WWOX: variants seen among roughly 807,000 people sequenced by gnomAD.
WWOX encodes WW domain containing oxidoreductase.
Under a neutral mutation model 46.2 loss-of-function variants are expected in WWOX, and 69 were observed. The observed-to-expected ratio is 1.49, with a 90% CI of 1.23 to 1.82. The LOEUF (loss-of-function observed/expected upper bound fraction) is 1.82, where lower values mean the gene tolerates loss of function less well. Ranked by LOEUF, WWOX falls within the 40% of genes most tolerant of loss-of-function variation. The pLI, the probability that WWOX is intolerant of heterozygous loss-of-function variation, is 0.00. For missense variants in WWOX, 919 were observed against 542.6 expected (o/e 1.69, Z -6.89); for synonymous variants, 359 against 202.6 (o/e 1.77, Z -6.56).
Position 78,961,428 on chromosome 16 carries a change from A to G in WWOX, c.1057-250180A>G, listed in dbSNP as rs555761581. Among the ~76,000 whole-genome samples, 10 of 152,172 alleles carry G rather than the reference A, an allele frequency of 6.6e-5. No homozygotes were observed. The South Asian group carries it at 1.2e-3, about 19-fold the overall frequency. On this transcript the variant is annotated intron_variant, in intron 8 of 8. Transcript: ENST00000566780. ...GATAACACTCAGCAGATATATAGCT[A>G]TGGGATACATGGATGGATGGATGGA... is the stretch of plus-strand genomic sequence containing the variant.
intron 5 of WWOX, among the ~76,000 whole-genome samples, chr16:78,367,428 C>G (rs1047090042): frequency 6.6e-6 from 1 of 151,394 alleles, no homozygotes; most frequent in African/African-American, 2.4e-5. Context: ...TTTTTCAACT[C>G]ATCAGCTATC....
chr16:78,946,252 G>A (rs1358441016), intron 8 of WWOX, among the ~76,000 whole-genome samples: 1 of 152,092 alleles, frequency 6.6e-6, no homozygotes, highest in African/African-American at 2.4e-5. Flanking sequence ...GTACAGCAGT[G>A]CAATCTCGGC....
At chr16:79,057,495 T>TTG (rs1567520100) in intron 8 of WWOX, among the ~76,000 whole-genome samples, 1 of 151,870 alleles carries the variant, frequency 6.6e-6, no homozygotes, top group Non-Finnish European at 1.5e-5. Flanking sequence ...CATTATTATT[T>TTG]CTGTTATATT....
At chr16:79,003,839 T>C (rs112474451) in intron 8 of WWOX, among the ~76,000 whole-genome samples, 2 of 150,504 alleles carry the variant, frequency 1.3e-5, no homozygotes, top group Admixed American at 6.6e-5. Context: ...GTCACCACTG[T>C]ATAGTCCTGA....
At chr16:78,112,720 C>G (rs1183202693) in intron 3 of WWOX, among the ~76,000 whole-genome samples, 1 of 109,428 alleles carries the variant, frequency 9.1e-6, no homozygotes, top group Non-Finnish European at 1.8e-5. Context: ...TTTTTTTATA[C>G]TGGGTCTTGC....
intron 8 of WWOX, among the ~76,000 whole-genome samples, chr16:79,139,764 C>T (rs1164533489): frequency 2.0e-5 from 3 of 152,068 alleles, no homozygotes; most frequent in East Asian, 1.9e-4. Context: ...AGGGGCAGTC[C>T]AATAAAAGAG....
chr16:79,097,240 T>C (rs1462505605), intron 8 of WWOX, among the ~76,000 whole-genome samples: 3 of 152,142 alleles, frequency 2.0e-5, no homozygotes, highest in African/African-American at 7.2e-5. Context: ...CATAATGACG[T>C]CTTTGATTCC....
At chr16:78,138,672 C>T (rs1415751816) in intron 4 of WWOX, among the ~76,000 whole-genome samples, 3 of 152,198 alleles carry the variant, frequency 2.0e-5, no homozygotes, top group East Asian at 3.9e-4. Context: ...GGGGACAGCC[C>T]ACCCTGAGAA....
At chr16:78,975,317 T>A (rs568555978) in intron 8 of WWOX, among the ~76,000 whole-genome samples, 1 of 152,278 alleles carries the variant, frequency 6.6e-6, no homozygotes, top group East Asian at 1.9e-4. Flanking sequence ...AATAGTGTGC[T>A]CCTGATTTCT....
chr16:79,198,190 T>G (rs2051277984), intron 8 of WWOX, among the ~76,000 whole-genome samples: 1 of 150,166 alleles, frequency 6.7e-6, no homozygotes, highest in Non-Finnish European at 1.5e-5. Flanking sequence ...CCACAAAAAT[T>G]AGCTGGGCAT....
At chr16:78,831,201 G>A (rs553427909) in intron 8 of WWOX, among the ~76,000 whole-genome samples, 3 of 139,434 alleles carry the variant, frequency 2.2e-5, no homozygotes, top group East Asian at 2.2e-4. Context: ...CACCATCTCT[G>A]TGACTTTCGA....
chr16:78,783,478 G>T (rs187472623), intron 8 of WWOX, among the ~76,000 whole-genome samples: 11 of 152,252 alleles, frequency 7.2e-5, no homozygotes, highest in East Asian at 5.8e-4. Context: ...TCTGCAAAGG[G>T]AAAGTAGCTC....
intron 8 of WWOX, among the ~76,000 whole-genome samples, chr16:79,029,709 C>T (rs193082512): frequency 1.5e-3 from 224 of 152,278 alleles, no homozygotes; most frequent in Admixed American, 2.7e-3. Context: ...TTATGCTTTT[C>T]AACAAGATTT....
At chr16:78,529,552 C>G (rs28633096) in intron 8 of WWOX, among the ~76,000 whole-genome samples, 39 of 152,062 alleles carry the variant, frequency 2.6e-4, no homozygotes, top group African/African-American at 9.2e-4. Flanking sequence ...CTGCAACCTC[C>G]GCCTCTCGAG....
rs529258992 is a variant in WWOX at position 79,072,102 on chromosome 16, G to A, written c.1057-139506G>A. 3.3e-5 allele frequency among the ~76,000 whole-genome samples: 5 copies of A among 152,250 alleles called. No individual in the cohort carries two copies. The East Asian group carries it at 9.7e-4, about 29-fold the overall frequency. On this transcript the variant is annotated intron_variant, in intron 8 of 8. Coordinates refer to ENST00000566780, the MANE Select transcript of WWOX (RefSeq NM_016373.4). ...GTTTGAGACCAGCTTGGCCAAAACAGTGAGACTCCATCTCTACAAAAAAAG... is the reference window on the plus strand; with the variant it reads ...GTTTGAGACCAGCTTGGCCAAAACAATGAGACTCCATCTCTACAAAAAAAG...
At chr16:78,307,048 C>A (rs1402421248) in intron 5 of WWOX, among the ~76,000 whole-genome samples, 1 of 152,206 alleles carries the variant, frequency 6.6e-6, no homozygotes, top group Non-Finnish European at 1.5e-5. Flanking sequence ...TAGTTAGCAA[C>A]CCATTAATAA....
chr16:79,147,490 G>A (rs1009308729), intron 8 of WWOX, among the ~76,000 whole-genome samples: 1 of 152,142 alleles, frequency 6.6e-6, no homozygotes, highest in Non-Finnish European at 1.5e-5. Flanking sequence ...GTGATCGTAT[G>A]TTTAATCACT....
intron 5 of WWOX, among the ~76,000 whole-genome samples, chr16:78,200,753 G>A (rs1367500599): frequency 6.6e-6 from 1 of 151,902 alleles, no homozygotes; most frequent in Non-Finnish European, 1.5e-5. Flanking sequence ...TCTGTCTTGG[G>A]CCCGTCCACT....
At chr16:78,309,685 ATATTTT>A (rs2080202995) in intron 5 of WWOX, among the ~76,000 whole-genome samples, 1 of 152,186 alleles carries the variant, frequency 6.6e-6, no homozygotes, top group African/African-American at 2.4e-5. Flanking sequence ...ACTTCTTTAA[ATATTTT>A]AGAGTTTCAC....
Sources: allele counts gnomAD v4.1 joint callset (sites outside exome capture counted in the v4.1 genomes callset), GRCh38; gene constraint gnomAD v4.1.1; transcripts MANE v1.5; gene names NCBI Gene and HGNC (gene_info 2026-07-23, HGNC 2026-07-21).